Variants in DGLUCY observed in about 807,000 individuals in gnomAD.
The protein encoded by DGLUCY is D-glutamate cyclase.
A neutral mutation model predicts 58.5 loss-of-function variants in DGLUCY; 58 were observed. The ratio of observed to expected loss-of-function variants is 0.99; its 90% confidence interval spans 0.80 to 1.23. DGLUCY has a LOEUF of 1.23. DGLUCY is among the 50% of genes most tolerant of loss of function. The pLI, the probability that DGLUCY is intolerant of heterozygous loss-of-function variation, is 0.00. For synonymous variants in DGLUCY, 325 were observed against 314.1 expected (o/e 1.03, Z -0.37); for missense variants, 779 against 784.7 (o/e 0.99, Z 0.09).
rs529647296 is a variant in DGLUCY, at chr14:91,215,820, C to T, written c.1716+264C>T. 326 of 1,193,032 alleles carry T rather than the reference C, an allele frequency of 2.7e-4. 2 individuals are homozygous for T. The Middle Eastern group carries it at 6.2e-3, about 23-fold the overall frequency. The allele number at this position is 1,193,032 out of a possible 1,614,324, so 73.9% of individuals were successfully genotyped here. On this transcript the variant is annotated intron_variant, in intron 13 of 13. Coordinates refer to ENST00000256324, the MANE Select transcript of DGLUCY (RefSeq NM_001102368.3). ...TGAGTTGCTTAGCTTCTCTGAGCCT[C>T]ATTTTCTTCATCTGTAAAATGGGGG...
intron 2 of DGLUCY, chr14:91,158,949 C>T (rs1158638693): frequency 6.6e-6 from 1 of 150,746 alleles, no homozygotes; most frequent in African/African-American, 2.4e-5. Context: ...TCCACCTCAA[C>T]CTCCCAAGTA....
intron 7 of DGLUCY, among the ~76,000 whole-genome samples, chr14:91,179,522 CAGG>C (rs1345628215): frequency 2.0e-5 from 3 of 152,062 alleles, no homozygotes; most frequent in African/African-American, 7.2e-5. Flanking sequence ...GAGGCTGAGA[CAGG>C]AGGATCACCT....
Position 91,196,488 on chromosome 14 carries a change from AT to A in DGLUCY, c.1295+15del. On this transcript the variant is annotated intron_variant, in intron 10 of 13. Transcript: ENST00000256324. ...GCAGACACCTAGGTACGTATGTCGC[AT>A]CCCAGTTTAAGTGGCGGATGGTGGA... is the stretch of plus-strand genomic sequence containing the variant. The A allele has an allele frequency of 6.2e-7, 1 of 1,608,352 alleles. No homozygotes were observed. Among genetic ancestry groups the A allele is most frequent in the Non-Finnish European group, 8.5e-7 (1 of 1,175,352 alleles).
chr14:91,064,353 G>A (rs1423262167), intron 1 of DGLUCY, among the ~76,000 whole-genome samples: 1 of 152,114 alleles, frequency 6.6e-6, no homozygotes, highest in Non-Finnish European at 1.5e-5. Context: ...GGAGAAGCCT[G>A]GGTGCGGTGG....
intron 13 of DGLUCY, among the ~76,000 whole-genome samples, chr14:91,218,889 T>A (rs12887643): frequency 6.6e-6 from 1 of 151,730 alleles, no homozygotes; most frequent in African/African-American, 2.4e-5. Flanking sequence ...ACAGTAAGCT[T>A]CAGTGAGAGG....
At chr14:91,080,115 T>C (rs1261377509) in intron 1 of DGLUCY, among the ~76,000 whole-genome samples, 3 of 152,236 alleles carry the variant, frequency 2.0e-5, no homozygotes, top group African/African-American at 7.2e-5. Context: ...TCATCCATGT[T>C]GTAGCATATA....
chr14:91,156,380 C>G (rs1201192599), intron 1 of DGLUCY, among the ~76,000 whole-genome samples: 1 of 152,134 alleles, frequency 6.6e-6, no homozygotes, highest in South Asian at 2.1e-4. Context: ...TCCCGAAGTG[C>G]CGGGATTACA....
chr14:91,136,548 G>GT (rs2046347323), intron 1 of DGLUCY, among the ~76,000 whole-genome samples: 1 of 151,652 alleles, frequency 6.6e-6, no homozygotes, highest in African/African-American at 2.4e-5. Flanking sequence ...ACCAGGCATG[G>GT]TGGTAGGAGC....
At chr14:91,138,234 G>A (rs2046451344) in intron 1 of DGLUCY, among the ~76,000 whole-genome samples, 1 of 152,178 alleles carries the variant, frequency 6.6e-6, no homozygotes, top group African/African-American at 2.4e-5. Flanking sequence ...GCTCACACCT[G>A]TAATCCCAGC....
chr14:91,165,213 T>A (rs1168501941), intron 3 of DGLUCY: 1 of 456,188 alleles, frequency 2.2e-6, no homozygotes. Flanking sequence ...GTTACGTGTT[T>A]CTTCTGTAAC....
chr14:91,110,893 A>T (rs1265886952), upstream of DGLUCY, among the ~76,000 whole-genome samples: 1 of 152,146 alleles, frequency 6.6e-6, no homozygotes, highest in East Asian at 1.9e-4. Context: ...TCATTTCAGT[A>T]ACTCCTCGTT....
intron 1 of DGLUCY, among the ~76,000 whole-genome samples, chr14:91,136,402 G>A (rs2046338551): frequency 6.6e-6 from 1 of 152,074 alleles, no homozygotes; most frequent in Non-Finnish European, 1.5e-5. Flanking sequence ...TCAGACCCAG[G>A]CCAGGCGCTA....
chr14:91,078,666 A>G (rs1042569348), intron 1 of DGLUCY, among the ~76,000 whole-genome samples: 4 of 152,180 alleles, frequency 2.6e-5, no homozygotes, highest in Non-Finnish European at 5.9e-5. Context: ...GTAGCCCTAA[A>G]TAAGCAAGAA....
chr14:91,160,228 A>G, intron 2 of DGLUCY, 38 bp from the exon 3 acceptor site: 1 of 1,304,836 alleles, frequency 7.7e-7, no homozygotes, highest in Non-Finnish European at 1.1e-6. Context: ...TCAGGGGGCC[A>G]CACTTTCTAA....
chr14:91,066,282 G>A (rs1457981113), intron 1 of DGLUCY, among the ~76,000 whole-genome samples: 1 of 151,460 alleles, frequency 6.6e-6, no homozygotes, highest in Non-Finnish European at 1.5e-5. Context: ...GGAGGCTGAG[G>A]CAGGAGAATC....
At chr14:91,087,606 A>G (rs1233156886) in intron 1 of DGLUCY, among the ~76,000 whole-genome samples, 5 of 152,192 alleles carry the variant, frequency 3.3e-5, no homozygotes, top group Non-Finnish European at 4.4e-5. Flanking sequence ...ACCTTTCTCA[A>G]CATTGCACAA....
intron 11 of DGLUCY, among the ~76,000 whole-genome samples, chr14:91,203,485 T>G (rs2050695974): frequency 6.6e-6 from 1 of 152,184 alleles, no homozygotes; most frequent in Admixed American, 6.5e-5. Context: ...CCTCTGGCCT[T>G]GAGAGACTCA....
At chr14:91,073,927 C>T (rs1472162987) in intron 1 of DGLUCY, among the ~76,000 whole-genome samples, 1 of 151,562 alleles carries the variant, frequency 6.6e-6, no homozygotes, top group East Asian at 1.9e-4. Flanking sequence ...TTAAGACCAG[C>T]CCGGGCAATA....
At chr14:91,194,192 G>A (rs893227167) in intron 9 of DGLUCY, among the ~76,000 whole-genome samples, 6 of 152,214 alleles carry the variant, frequency 3.9e-5, no homozygotes, top group Non-Finnish European at 8.8e-5. Flanking sequence ...CCCTGTCGCG[G>A]TAGTCCTGGG....
Sources: allele counts gnomAD v4.1 joint callset (sites outside exome capture counted in the v4.1 genomes callset), GRCh38; gene constraint gnomAD v4.1.1; transcripts MANE v1.5; gene names NCBI Gene and HGNC (gene_info 2026-07-23, HGNC 2026-07-21).